RNF111: variants seen among roughly 807,000 people sequenced by gnomAD.
RNF111 encodes the protein E3 ubiquitin-protein ligase Arkadia.
Under a neutral mutation model 95.1 loss-of-function variants are expected in RNF111, and 17 were observed. That is an observed-to-expected ratio of 0.18 (90% confidence interval 0.12 to 0.27). The LOEUF (loss-of-function observed/expected upper bound fraction) is 0.27. RNF111 is among the 10% of genes least tolerant of loss of function. The pLI is 1.00. For missense variants in RNF111, 1,189 were observed against 1,210.4 expected, an observed-to-expected ratio of 0.98 and a Z score of 0.26; for synonymous variants, 440 against 414.8, an observed-to-expected ratio of 1.06 and a Z score of -0.74.
At chr15:59,008,096 C>T (rs547136288) in intron 1 of RNF111, among the ~76,000 whole-genome samples, 56 of 152,244 alleles carry the variant, frequency 3.7e-4, no homozygotes, top group Non-Finnish European at 5.7e-4. Context: ...CATAAACTTT[C>T]TGCTGTGTTT....
At chr15:59,055,571 G>A in intron 3 of RNF111, 111 bp from the exon 4 acceptor site, 1 of 811,534 alleles carries the variant, frequency 1.2e-6, no homozygotes, top group Non-Finnish European at 1.8e-6. Context: ...TATTTCTTTG[G>A]AGAAATCTTG....
chr15:59,009,594 C>T (rs1407122261), intron 1 of RNF111, among the ~76,000 whole-genome samples: 1 of 151,478 alleles, frequency 6.6e-6, no homozygotes, highest in Non-Finnish European at 1.5e-5. Context: ...TAGAACGATA[C>T]CAAAATTAGA....
chr15:59,058,332 A>G (rs2042284957), intron 4 of RNF111, 24 bp from the exon 5 acceptor site: 1 of 1,595,136 alleles, frequency 6.3e-7, no homozygotes, highest in Non-Finnish European at 8.6e-7. Context: ...TTGAAATGCT[A>G]AGTTGACATT....
At chr15:59,076,878 A>G (rs1365822095) in intron 7 of RNF111, among the ~76,000 whole-genome samples, 1 of 152,258 alleles carries the variant, frequency 6.6e-6, no homozygotes, top group Non-Finnish European at 1.5e-5. Flanking sequence ...TCATGCTGGA[A>G]ATGAACCAGG....
At chr15:59,067,801 T>C (rs2142087713) in intron 6 of RNF111, among the ~76,000 whole-genome samples, 1 of 152,268 alleles carries the variant, frequency 6.6e-6, no homozygotes, top group Non-Finnish European at 1.5e-5. Flanking sequence ...GTTTTCCCCT[T>C]TTACCTCCTA....
At chr15:59,060,795 A>ATTG (rs2042400449) in intron 5 of RNF111, among the ~76,000 whole-genome samples, 1 of 146,634 alleles carries the variant, frequency 6.8e-6, no homozygotes, top group Admixed American at 7.0e-5. Flanking sequence ...CATTATTATT[A>ATTG]TTATTATTAT....
intron 2 of RNF111, among the ~76,000 whole-genome samples, chr15:59,033,948 TAATG>T (rs2041043277): frequency 6.6e-6 from 1 of 152,212 alleles, no homozygotes; most frequent in Non-Finnish European, 1.5e-5. Flanking sequence ...TTAAAAAAAA[TAATG>T]ATTTAATAAC....
At chr15:59,071,548 C>T (rs2042927261) in intron 6 of RNF111, among the ~76,000 whole-genome samples, 1 of 151,866 alleles carries the variant, frequency 6.6e-6, no homozygotes, top group Non-Finnish European at 1.5e-5. Flanking sequence ...CAAAAATTAG[C>T]TGGGCGTGGG....
At chr15:58,995,256 G>A (rs1377411725) in intron 1 of RNF111, among the ~76,000 whole-genome samples, 1 of 152,084 alleles carries the variant, frequency 6.6e-6, no homozygotes, top group Non-Finnish European at 1.5e-5. Flanking sequence ...TGTTTATTTT[G>A]TAACTCATCC....
chr15:59,006,995 C>T (rs1315503650), intron 1 of RNF111, among the ~76,000 whole-genome samples: 1 of 152,140 alleles, frequency 6.6e-6, no homozygotes, highest in African/African-American at 2.4e-5. Context: ...ACCATCTTGG[C>T]CAGGCTGGTC....
At chr15:59,052,629 A>G in intron 3 of RNF111, among the ~76,000 whole-genome samples, 198 bp downstream of exon 3, 1 of 126,562 alleles carries the variant, frequency 7.9e-6, no homozygotes, top group South Asian at 2.4e-4. Flanking sequence ...CCCAGGCTGG[A>G]CTTCTACCCC....
chr15:59,058,679 A>G (rs1205184221), intron 5 of RNF111, 129 bp downstream of exon 5: 7 of 803,522 alleles, frequency 8.7e-6, no homozygotes, highest in African/African-American at 1.7e-5. Flanking sequence ...TAAACTTCAT[A>G]TGTTATCAAG....
At chr15:59,012,712 C>G (rs545512495) in intron 1 of RNF111, among the ~76,000 whole-genome samples, 80 of 150,254 alleles carry the variant, frequency 5.3e-4, no homozygotes, top group African/African-American at 1.9e-3. Flanking sequence ...TAGGCCCTTT[C>G]TTTTCTCATG....
intron 10 of RNF111, among the ~76,000 whole-genome samples, chr15:59,087,840 C>G (rs1317099837): frequency 2.6e-5 from 4 of 151,948 alleles, no homozygotes; most frequent in African/African-American, 2.4e-5. Flanking sequence ...ATGGTGTCAT[C>G]ACAAAAAAAT....
At chr15:59,036,304 G>A (rs1319062389) in intron 2 of RNF111, among the ~76,000 whole-genome samples, 3 of 152,084 alleles carry the variant, frequency 2.0e-5, no homozygotes, top group African/African-American at 7.2e-5. Flanking sequence ...GAGATCCGCT[G>A]CCCACCTCAG....
chr15:59,062,323 G>A (rs929356367), intron 5 of RNF111, among the ~76,000 whole-genome samples: 16 of 152,134 alleles, frequency 1.1e-4, no homozygotes, highest in Non-Finnish European at 1.9e-4. Context: ...GATTACAAGT[G>A]TGAGCCACCA....
Position 59,076,187 on chromosome 15 carries a change from A to G in RNF111, c.1920A>G (p.Ser640=). The change falls in exon 7 of 14, where the codon TCA becomes TCG. Residue 640 remains serine, a synonymous_variant. Coordinates refer to ENST00000348370, the MANE Select transcript of RNF111 (RefSeq NM_017610.8). ...AGCCCCCTCCACAGCCCTCTCTCTC[A>G]TCATGTCGACATTACATGCCACCCC... The part of the protein sequence containing the change: ...QPQPPPQPSL[S]SCRHYMPPPY... 1.9e-6 allele frequency: 3 copies of G among 1,613,524 alleles called. No individual in the cohort carries two copies. The highest frequency in any genetic ancestry group is 2.5e-6 in the Non-Finnish European group (3 of 1,179,982).
At chr15:59,053,561 A>T (rs1428765562) in intron 3 of RNF111, among the ~76,000 whole-genome samples, 1 of 152,222 alleles carries the variant, frequency 6.6e-6, no homozygotes, top group Admixed American at 6.5e-5. Flanking sequence ...TTCTAAAGGC[A>T]TGGAAGTGAG....
intron 1 of RNF111, among the ~76,000 whole-genome samples, chr15:59,029,363 C>T (rs1299774533): frequency 6.6e-6 from 1 of 152,132 alleles, no homozygotes; most frequent in Non-Finnish European, 1.5e-5. Context: ...TTGCCATGCT[C>T]ATGTTCACTC....
Sources: gnomAD v4.1 joint callset for allele counts (sites outside exome capture counted in the v4.1 genomes callset) on GRCh38, gnomAD v4.1.1 for gene constraint, MANE v1.5 for transcripts, NCBI Gene and HGNC (gene_info 2026-07-23, HGNC 2026-07-21) for gene names.